SPIDR: variants seen among roughly 807,000 people sequenced by gnomAD.
SPIDR encodes the protein scaffold protein involved in DNA repair, also known as DNA repair-scaffolding protein.
A neutral mutation model predicts 104.6 loss-of-function variants in SPIDR; 93 were observed. The ratio of observed to expected loss-of-function variants is 0.89; its 90% CI spans 0.75 to 1.06. SPIDR has a LOEUF of 1.06. Among genes scored for constraint, SPIDR ranks in the 50% least tolerant of loss-of-function variants. The pLI, the probability that SPIDR is intolerant of heterozygous loss-of-function variation, is 0.00. For missense variants in SPIDR, 1,154 were observed against 1,111.2 expected (o/e 1.04, Z -0.55); for synonymous variants, 431 against 416.9 (o/e 1.03, Z -0.41).
At chr8:47,297,305 T>C (rs1436921249) in intron 5 of SPIDR, among the ~76,000 whole-genome samples, 2 of 152,140 alleles carry the variant, frequency 1.3e-5, no homozygotes, top group Non-Finnish European at 2.9e-5. Context: ...GAGGAAAAGC[T>C]TTTACCTTTT....
chr8:47,530,316 C>T (rs1037095221), intron 8 of SPIDR, among the ~76,000 whole-genome samples: 1 of 151,988 alleles, frequency 6.6e-6, no homozygotes. Context: ...TGGTGACACT[C>T]GCCTGTAATC....
chr8:47,433,540 T>C (rs1353393253), intron 7 of SPIDR, among the ~76,000 whole-genome samples: 3 of 152,216 alleles, frequency 2.0e-5, no homozygotes, highest in African/African-American at 7.2e-5. Flanking sequence ...TAGTGAACTT[T>C]TGGGGAAAGC....
At chr8:47,471,515 T>C (rs2075702288) in intron 8 of SPIDR, among the ~76,000 whole-genome samples, 1 of 152,138 alleles carries the variant, frequency 6.6e-6, no homozygotes. Context: ...GAATAACAAT[T>C]GTTGGCAAAG....
chr8:47,330,191 T>G (rs1390663460), intron 5 of SPIDR, among the ~76,000 whole-genome samples: 1 of 152,112 alleles, frequency 6.6e-6, no homozygotes, highest in Non-Finnish European at 1.5e-5. Flanking sequence ...GGTGCTTTTC[T>G]TAAGGTGCTT....
At chr8:47,327,073 C>T (rs76415238) in intron 5 of SPIDR, among the ~76,000 whole-genome samples, 3,304 of 152,238 alleles carry the variant, frequency 0.022, 92 homozygotes, top group East Asian at 0.08. Flanking sequence ...ACAAAGGTTT[C>T]AGTTTCTCCA....
At chr8:47,504,633 C>A (rs908400925) in intron 8 of SPIDR, among the ~76,000 whole-genome samples, 2 of 152,222 alleles carry the variant, frequency 1.3e-5, no homozygotes, top group African/African-American at 4.8e-5. Flanking sequence ...CTTCTCTCAA[C>A]TCGTCAAAGT....
chr8:47,556,889 C>A (rs563380688), intron 8 of SPIDR, among the ~76,000 whole-genome samples: 1 of 152,272 alleles, frequency 6.6e-6, no homozygotes, highest in East Asian at 1.9e-4. Context: ...CAGGCATGAA[C>A]CACCGCGCCC....
At chr8:47,310,360 A>G (rs1328411380) in intron 5 of SPIDR, among the ~76,000 whole-genome samples, 2 of 150,864 alleles carry the variant, frequency 1.3e-5, no homozygotes, top group Non-Finnish European at 2.9e-5. Flanking sequence ...AAAAGTCACT[A>G]TGGATGTCAC....
At chr8:47,548,925 C>A (rs186788184) in intron 8 of SPIDR, among the ~76,000 whole-genome samples, 2 of 152,198 alleles carry the variant, frequency 1.3e-5, no homozygotes. Context: ...CCTTCTCCCC[C>A]TACCCCATGA....
chr8:47,661,047 G>C (rs931796050), intron 10 of SPIDR: 1 of 821,394 alleles, frequency 1.2e-6, no homozygotes, highest in Non-Finnish European at 1.5e-6. Flanking sequence ...GTCATGTGGT[G>C]CCTGCTCCCC....
At chr8:47,434,916 A>G (rs2068010918) in intron 7 of SPIDR, among the ~76,000 whole-genome samples, 2 of 152,220 alleles carry the variant, frequency 1.3e-5, no homozygotes, top group Admixed American at 6.5e-5. Context: ...CAGTAGTCAC[A>G]GACATATTTT....
At chr8:47,296,530 C>T (rs1450466693) in intron 5 of SPIDR, among the ~76,000 whole-genome samples, 2 of 152,084 alleles carry the variant, frequency 1.3e-5, no homozygotes, top group African/African-American at 4.8e-5. Flanking sequence ...GTCCTCTTTC[C>T]ATTGTATATT....
intron 8 of SPIDR, among the ~76,000 whole-genome samples, chr8:47,539,934 C>T (rs2154389928): frequency 6.6e-6 from 1 of 152,112 alleles, no homozygotes; most frequent in East Asian, 1.9e-4. Flanking sequence ...CTTATCCTAA[C>T]CCAACTTTTA....
chr8:47,595,213 C>T (rs1302830557), intron 8 of SPIDR, among the ~76,000 whole-genome samples: 1 of 151,948 alleles, frequency 6.6e-6, no homozygotes, highest in Non-Finnish European at 1.5e-5. Context: ...ATCAGAAGTC[C>T]CAAATTTTTA....
At chr8:47,592,293 C>G in intron 8 of SPIDR, 2 of 1,129,858 alleles carry the variant, frequency 1.8e-6, no homozygotes, top group African/African-American at 3.0e-5. Flanking sequence ...GATAGCAGAA[C>G]TGTGTGCGGA....
chr8:47,382,231 G>C (rs782075570), intron 5 of SPIDR, among the ~76,000 whole-genome samples: 2 of 152,128 alleles, frequency 1.3e-5, no homozygotes, highest in Non-Finnish European at 2.9e-5. Context: ...ATTAAGATTT[G>C]ATTGATAGGA....
At chr8:47,495,504 C>T (rs1360465103) in intron 8 of SPIDR, among the ~76,000 whole-genome samples, 1 of 151,934 alleles carries the variant, frequency 6.6e-6, no homozygotes, top group African/African-American at 2.4e-5. Flanking sequence ...TTTTCATTAC[C>T]CCGAATAGAA....
At chr8:47,651,118 C>T (rs2071537368) in intron 10 of SPIDR, among the ~76,000 whole-genome samples, 1 of 152,020 alleles carries the variant, frequency 6.6e-6, no homozygotes, top group Admixed American at 6.6e-5. Flanking sequence ...AATTAAGAAG[C>T]TTCTGCACAG....
chr8:47,403,648 A>G (rs1554665165), intron 6 of SPIDR, among the ~76,000 whole-genome samples: 1 of 152,168 alleles, frequency 6.6e-6, no homozygotes, highest in African/African-American at 2.4e-5. Context: ...CTTACAAGGG[A>G]TGTGAAGGAC....
Sources: gnomAD v4.1 joint callset for allele counts (sites outside exome capture counted in the v4.1 genomes callset) on GRCh38, gnomAD v4.1.1 for gene constraint, MANE v1.5 for transcripts, NCBI Gene and HGNC (gene_info 2026-07-23, HGNC 2026-07-21) for gene names.